Variants in ATG4C observed in about 807,000 individuals in gnomAD.
The protein encoded by ATG4C is cysteine protease ATG4C.
Under a neutral mutation model 57.6 loss-of-function variants are expected in ATG4C, and 56 were observed. That is an observed-to-expected ratio of 0.97 (90% CI 0.78 to 1.21). The LOEUF (loss-of-function observed/expected upper bound fraction) is 1.21. Ranked by LOEUF, ATG4C falls within the 50% of genes most tolerant of loss-of-function variation. The pLI is 0.00. For missense variants in ATG4C, 595 were observed against 529.8 expected (o/e 1.12, Z -1.21); for synonymous variants, 157 against 174.1 (o/e 0.90, Z 0.78).
At chr1:62,850,890 A>G (rs182822074) in intron 10 of ATG4C, among the ~76,000 whole-genome samples, 12,585 of 99,208 alleles carry the variant, frequency 0.13, 1,617 homozygotes, top group African/African-American at 0.28. Flanking sequence ...ATATATATAT[A>G]TATATATATA....
At chr1:62,820,232 C>T (rs2100320156) in intron 5 of ATG4C, among the ~76,000 whole-genome samples, 1 of 152,120 alleles carries the variant, frequency 6.6e-6, no homozygotes, top group African/African-American at 2.4e-5. Context: ...TCAAGATGTT[C>T]TCTACTCCGG....
At chr1:62,827,652 G>T (rs1163382533) in intron 6 of ATG4C, among the ~76,000 whole-genome samples, 2 of 152,028 alleles carry the variant, frequency 1.3e-5, no homozygotes, top group Non-Finnish European at 2.9e-5. Context: ...AATCAGGTAG[G>T]TATTTTTTTT....
At chr1:62,827,264 C>T (rs1665692615) in intron 6 of ATG4C, among the ~76,000 whole-genome samples, 2 of 152,286 alleles carry the variant, frequency 1.3e-5, no homozygotes, top group South Asian at 2.1e-4. Context: ...GTTTACTTCC[C>T]TCCAGAAGAC....
intron 3 of ATG4C, among the ~76,000 whole-genome samples, chr1:62,807,043 A>T (rs1664904286): frequency 6.6e-6 from 1 of 152,224 alleles, no homozygotes; most frequent in Non-Finnish European, 1.5e-5. Context: ...ATGAAATGAA[A>T]AATTTCATTT....
In ATG4C at chr1:62,805,260, G is replaced by T; in HGVS notation, c.160+5G>T. ...GTTACCATTTTAAATATGAAGGTAA[G>T]TACAAAATTTGTAAACCATTTAAAA... On this transcript the variant is annotated splice_donor_5th_base_variant and intron_variant, in intron 3 of 10. Transcript: ENST00000317868. 1 of 1,497,610 alleles carries T rather than the reference G, an allele frequency of 6.7e-7. No individual in the cohort carries two copies. Among genetic ancestry groups the T allele is most frequent in the Non-Finnish European group, 8.8e-7 (1 of 1,134,122 alleles). The allele number at this position is 1,497,610 out of a possible 1,614,324, so 92.8% of individuals were successfully genotyped here.
rs1351894201 is a variant in ATG4C, at chr1:62,841,509, G to A, written c.1171G>A (p.Val391Ile). The change falls in exon 10 of 11, where the codon GTT (valine) becomes ATT (isoleucine). Residue 391 changes from valine to isoleucine, a missense_variant. Transcript: ENST00000317868. ...TACAATAGGATTTTACTGTCGAAAT[G>A]TTCAGGACTTCAAACGAGCTTCTGA... Reference protein sequence around the residue: ...SCTIGFYCRNVQDFKRASEEI... With the variant: ...SCTIGFYCRNIQDFKRASEEI... 4.4e-6 allele frequency: 7 copies of A among 1,602,588 alleles called. No individual in the cohort carries two copies. The highest frequency in any genetic ancestry group is 2.6e-6 in the Non-Finnish European group (3 of 1,174,330).
intron 10 of ATG4C, among the ~76,000 whole-genome samples, chr1:62,862,724 ATT>A (rs1213866194): frequency 6.6e-6 from 1 of 152,042 alleles, no homozygotes; most frequent in Non-Finnish European, 1.5e-5. Context: ...TTAAAAATAT[ATT>A]TTATATAGTT....
At chr1:62,792,923 G>A (rs2100279769) in intron 1 of ATG4C, among the ~76,000 whole-genome samples, 1 of 150,384 alleles carries the variant, frequency 6.6e-6, no homozygotes, top group East Asian at 2.0e-4. Flanking sequence ...GTCCTGCTCA[G>A]TCGCCCAGGC....
intron 3 of ATG4C, among the ~76,000 whole-genome samples, chr1:62,810,455 C>T (rs1665044605): frequency 6.6e-6 from 1 of 152,118 alleles, no homozygotes; most frequent in South Asian, 2.1e-4. Context: ...TTAATGCTAA[C>T]ATTTTCTTTT....
rs183143682 is a variant in ATG4C at position 62,815,104 on chromosome 1, C to T, written c.161-1471C>T. Among the ~76,000 whole-genome samples, 343 of 151,880 alleles carry T rather than the reference C, an allele frequency of 2.3e-3. 3 individuals carry two copies. Among genetic ancestry groups the T allele is most frequent in the African/African-American group, 7.9e-3 (329 of 41,444 alleles). On this transcript the variant is annotated intron_variant, in intron 3 of 10. Transcript: ENST00000317868. The stretch of plus-strand genomic sequence containing the variant: ...AATAAATAAATAAATGTGTTTAAAC[C>T]GTTTACTTTTAATATGATTATTGAT...
chr1:62,846,665 T>A (rs1666333383), intron 10 of ATG4C, among the ~76,000 whole-genome samples: 2 of 152,190 alleles, frequency 1.3e-5, no homozygotes, highest in Admixed American at 1.3e-4. Flanking sequence ...AGCCTTGGAT[T>A]ATTCTTACCT....
chr1:62,830,058 A>G (rs1283159127), intron 7 of ATG4C, among the ~76,000 whole-genome samples: 2 of 152,088 alleles, frequency 1.3e-5, no homozygotes, highest in Non-Finnish European at 1.5e-5. Flanking sequence ...CTCAGGGTAG[A>G]TTGTGCTAAT....
At chr1:62,835,299 TTTAG>T (rs1317723200) in intron 9 of ATG4C, 2 of 261,434 alleles carry the variant, frequency 7.7e-6, no homozygotes, top group East Asian at 1.2e-4. Context: ...AATCTTAGCC[TTTAG>T]TTAGGAAGTT....
chr1:62,848,730 T>C (rs113951885), intron 10 of ATG4C, among the ~76,000 whole-genome samples: 179 of 152,300 alleles, frequency 1.2e-3, no homozygotes, highest in African/African-American at 4.1e-3. Context: ...GAAAGTGGCA[T>C]TGTACATTAT....
intron 3 of ATG4C, among the ~76,000 whole-genome samples, chr1:62,815,434 A>G (rs1253121659): frequency 6.6e-6 from 1 of 152,102 alleles, no homozygotes; most frequent in Non-Finnish European, 1.5e-5. Context: ...ACTTATTTAT[A>G]TGTTATACAC....
intron 1 of ATG4C, among the ~76,000 whole-genome samples, chr1:62,792,826 G>C (rs963484179): frequency 6.6e-6 from 1 of 151,918 alleles, no homozygotes; most frequent in Admixed American, 6.6e-5. Context: ...TTGAACCCAA[G>C]TAGTAGCTGG....
intron 10 of ATG4C, among the ~76,000 whole-genome samples, chr1:62,849,084 G>A (rs1470849292): frequency 1.3e-5 from 2 of 152,056 alleles, no homozygotes; most frequent in Admixed American, 6.5e-5. Context: ...TTGGTGAATG[G>A]CATGCGATTT....
At chr1:62,847,049 T>C (rs1300452153) in intron 10 of ATG4C, among the ~76,000 whole-genome samples, 1 of 152,096 alleles carries the variant, frequency 6.6e-6, no homozygotes, top group Non-Finnish European at 1.5e-5. Flanking sequence ...TGGTGGTGTG[T>C]GCCTGTAGTC....
chr1:62,850,642 G>A (rs1236961175), intron 10 of ATG4C, among the ~76,000 whole-genome samples: 1 of 151,620 alleles, frequency 6.6e-6, no homozygotes, highest in Non-Finnish European at 1.5e-5. Context: ...TTTGTTTCCT[G>A]TGCCTGGCAT....
Sources: gnomAD v4.1 joint callset for allele counts (sites outside exome capture counted in the v4.1 genomes callset) on GRCh38, gnomAD v4.1.1 for gene constraint, MANE v1.5 for transcripts, NCBI Gene and HGNC (gene_info 2026-07-23, HGNC 2026-07-21) for gene names.